The following CNTN5 variants were observed in gnomAD, a reference collection of about 807,000 sequenced individuals.
The protein encoded by CNTN5 is contactin 5, also known as contactin-5.
Under a neutral mutation model 129.1 loss-of-function variants are expected in CNTN5, and 77 were observed. That is an observed-to-expected ratio of 0.60 (90% confidence interval 0.50 to 0.72). The LOEUF is 0.72. CNTN5 is among the 30% of genes least tolerant of loss of function. The pLI is 0.00. For missense variants in CNTN5, 1,478 were observed against 1,328.8 expected (o/e 1.11, Z -1.75); for synonymous variants, 509 against 465.6 (o/e 1.09, Z -1.20).
chr11:99,404,111 C>T (rs951866016), intron 2 of CNTN5, among the ~76,000 whole-genome samples: 3 of 151,848 alleles, frequency 2.0e-5, no homozygotes, highest in Non-Finnish European at 4.4e-5. Context: ...ATATAGGGAC[C>T]TTCTTAGTGT....
chr11:100,106,360 C>T (rs887944078), intron 13 of CNTN5, among the ~76,000 whole-genome samples: 3 of 152,174 alleles, frequency 2.0e-5, no homozygotes, highest in Non-Finnish European at 4.4e-5. Context: ...GAAGAGAGGT[C>T]AGCTAAGCAG....
At chr11:100,132,195 C>G (rs1946397680) in intron 13 of CNTN5, among the ~76,000 whole-genome samples, 1 of 152,058 alleles carries the variant, frequency 6.6e-6, no homozygotes, top group Admixed American at 6.6e-5. Flanking sequence ...TCTTTGAGGG[C>G]CAAGGTCAAC....
At chr11:99,133,625 A>AAAAAAAAAAAAAAAAC (rs1565344500) in intron 1 of CNTN5, among the ~76,000 whole-genome samples, 1 of 69,632 alleles carries the variant, frequency 1.4e-5, no homozygotes, top group Non-Finnish European at 3.4e-5. Context: ...CAAGAAAAAA[A>AAAAAAAAAAAAAAAAC]AAAGACCATA....
At chr11:99,637,367 T>A (rs949484452) in intron 3 of CNTN5, among the ~76,000 whole-genome samples, 7 of 151,884 alleles carry the variant, frequency 4.6e-5, no homozygotes, top group Non-Finnish European at 8.8e-5. Context: ...AGGAAAAAAA[T>A]TAGCGTTGTA....
intron 13 of CNTN5, among the ~76,000 whole-genome samples, chr11:100,171,730 T>C (rs1947831631): frequency 1.3e-5 from 2 of 152,026 alleles, no homozygotes; most frequent in Non-Finnish European, 2.9e-5. Flanking sequence ...GGTTTTAATT[T>C]CTCTCTCTTT....
At chr11:100,244,822 G>T (rs1056988286) in intron 16 of CNTN5, among the ~76,000 whole-genome samples, 1 of 151,812 alleles carries the variant, frequency 6.6e-6, no homozygotes, top group Non-Finnish European at 1.5e-5. Context: ...TGTTTGTTTC[G>T]GCTAGCTTTT....
chr11:100,252,290 G>A (rs1949978776), intron 16 of CNTN5, among the ~76,000 whole-genome samples: 1 of 152,072 alleles, frequency 6.6e-6, no homozygotes, highest in Non-Finnish European at 1.5e-5. Context: ...AAATGTTTGA[G>A]TTCCTCATAT....
chr11:99,578,326 T>C (rs1360498731), intron 3 of CNTN5, among the ~76,000 whole-genome samples: 1 of 151,530 alleles, frequency 6.6e-6, no homozygotes, highest in Non-Finnish European at 1.5e-5. Flanking sequence ...TGATTTATAA[T>C]CCTTTGGGTA....
Position 100,002,113 on chromosome 11 carries a change from G to T in CNTN5, c.957G>T (p.Lys319Asn). The change falls in exon 9 of 25, where the codon AAG becomes AAT. Residue 319 changes from lysine (K) to asparagine (N), a missense_variant. Transcript: ENST00000524871. ...TVTAAKGTTV[K>N]MECFALGNPV... Reference sequence around the variant, plus strand: ...CAGCTGCTAAAGGAACAACTGTTAAGATGGAATGCTTTGCACTTGGCAAGT... The same window carrying T: ...CAGCTGCTAAAGGAACAACTGTTAATATGGAATGCTTTGCACTTGGCAAGT... 6.3e-7 allele frequency: 1 copy of T among 1,587,950 alleles called. No homozygotes were observed. The highest frequency in any genetic ancestry group is 2.3e-5 in the East Asian group (1 of 43,190).
chr11:99,799,454 T>C (rs1946047881), intron 3 of CNTN5, among the ~76,000 whole-genome samples: 1 of 151,972 alleles, frequency 6.6e-6, no homozygotes, highest in African/African-American at 2.4e-5. Flanking sequence ...GTTTTTATCA[T>C]GAAGCAAGGC....
intron 21 of CNTN5, among the ~76,000 whole-genome samples, chr11:100,318,101 C>T (rs1233733341): frequency 6.6e-6 from 1 of 151,678 alleles, no homozygotes; most frequent in Non-Finnish European, 1.5e-5. Context: ...ATTAGCCGGG[C>T]GCGGTGGTGG....
At chr11:99,867,724 A>G (rs1296650048) in intron 6 of CNTN5, among the ~76,000 whole-genome samples, 1 of 152,154 alleles carries the variant, frequency 6.6e-6, no homozygotes, top group Non-Finnish European at 1.5e-5. Flanking sequence ...GAATCTCTCT[A>G]TTATAAGGTC....
intron 3 of CNTN5, among the ~76,000 whole-genome samples, chr11:99,613,379 T>C: frequency 6.6e-6 from 1 of 152,176 alleles, no homozygotes; most frequent in East Asian, 1.9e-4. Flanking sequence ...TGCTTCTCTT[T>C]CGCCTTCCGC....
chr11:100,282,121 G>A lies in CNTN5; in HGVS notation c.2314+10880G>A, dbSNP rs190462443. Among the ~76,000 whole-genome samples the A allele has an allele frequency of 8.6e-5, 13 of 151,744 alleles. No individual in the cohort carries two copies. The South Asian group carries it at 2.5e-3, about 29-fold the overall frequency. ...CATATTTGGTTCATTTGCTGAAGTCGTGTTTTCCTGGATGGTCTTGATACT... is the reference window on the plus strand; with the variant it reads ...CATATTTGGTTCATTTGCTGAAGTCATGTTTTCCTGGATGGTCTTGATACT... On this transcript the variant is annotated intron_variant, in intron 18 of 24. Coordinates refer to ENST00000524871, the MANE Select transcript of CNTN5 (RefSeq NM_014361.4).
At chr11:99,203,293 T>C (rs964705985) in intron 1 of CNTN5, among the ~76,000 whole-genome samples, 1 of 152,196 alleles carries the variant, frequency 6.6e-6, no homozygotes, top group Non-Finnish European at 1.5e-5. Context: ...CTACACAGAA[T>C]CATTTGAGCT....
chr11:100,288,329 C>T (rs1324123549), intron 18 of CNTN5, among the ~76,000 whole-genome samples: 2 of 152,012 alleles, frequency 1.3e-5, no homozygotes, highest in Admixed American at 6.6e-5. Context: ...CCACACCACA[C>T]CTATTCGAAA....
At chr11:99,720,997 A>AG (rs1943153564) in intron 3 of CNTN5, among the ~76,000 whole-genome samples, 1 of 152,160 alleles carries the variant, frequency 6.6e-6, no homozygotes, top group African/African-American at 2.4e-5. Context: ...GAAGACAAAA[A>AG]CAAATGGAAA....
At chr11:99,909,213 C>A (rs1044155367) in intron 6 of CNTN5, among the ~76,000 whole-genome samples, 1 of 151,996 alleles carries the variant, frequency 6.6e-6, no homozygotes, top group Non-Finnish European at 1.5e-5. Context: ...TGACTGATAA[C>A]AAATATTTAA....
intron 6 of CNTN5, among the ~76,000 whole-genome samples, chr11:99,903,900 C>T (rs553696905): frequency 6.6e-6 from 1 of 152,168 alleles, no homozygotes; most frequent in Non-Finnish European, 1.5e-5. Context: ...TGCAAATGGG[C>T]ACCAGATAAA....
Sources: gnomAD v4.1 joint callset for allele counts (sites outside exome capture counted in the v4.1 genomes callset) on GRCh38, gnomAD v4.1.1 for gene constraint, MANE v1.5 for transcripts, NCBI Gene and HGNC (gene_info 2026-07-23, HGNC 2026-07-21) for gene names.